The following POF1B variants were observed in gnomAD, a reference collection of about 807,000 sequenced individuals.
The protein encoded by POF1B is POF1B actin binding protein, also known as protein POF1B.
A neutral mutation model predicts 55.3 loss-of-function variants in POF1B; 53 were observed. The ratio of observed to expected loss-of-function variants is 0.96; its 90% confidence interval spans 0.77 to 1.20. The LOEUF (loss-of-function observed/expected upper bound fraction) is 1.20, where lower values mean the gene tolerates loss of function less well. POF1B is among the 50% of genes most tolerant of loss of function. POF1B has a pLI of 0.00. For missense variants in POF1B, 478 were observed against 420.5 expected (o/e 1.14, Z -1.20); for synonymous variants, 188 against 148.3 (o/e 1.27, Z -1.95).
At chrX:85,355,221 T>A (rs1213305258) in intron 4 of POF1B, among the ~76,000 whole-genome samples, 5 of 111,772 alleles carry the variant, frequency 4.5e-5, no homozygotes, top group Non-Finnish European at 9.4e-5. Context: ...GATTCCCTAC[T>A]TAATAAATGG....
At chrX:85,336,403 C>A (rs1933074828) in intron 6 of POF1B, among the ~76,000 whole-genome samples, 1 of 110,782 alleles carries the variant, frequency 9.0e-6, no homozygotes, top group Admixed American at 9.6e-5. Context: ...ATAGTAGTTG[C>A]ACTAATTTAC....
chrX:85,304,267 T>C, intron 14 of POF1B, 76 bp downstream of exon 14: 1 of 935,317 alleles, frequency 1.1e-6, no homozygotes, highest in Non-Finnish European at 1.4e-6. Context: ...TTCTAGTCCA[T>C]GGGAAGTATT....
chrX:85,302,531 T>G (rs1932481711), intron 15 of POF1B, among the ~76,000 whole-genome samples: 1 of 110,823 alleles, frequency 9.0e-6, no homozygotes, highest in Admixed American at 9.6e-5. Flanking sequence ...GTATGGCAAT[T>G]CCTTAAGCAT....
At chrX:85,341,758 A>G (rs1230186333) in intron 6 of POF1B, among the ~76,000 whole-genome samples, 2 of 111,209 alleles carry the variant, frequency 1.8e-5, no homozygotes, top group African/African-American at 6.5e-5. Flanking sequence ...TTGGTGAATG[A>G]CATGTTAAAT....
chrX:85,314,957 A>T (rs1254330200), intron 8 of POF1B, among the ~76,000 whole-genome samples: 1 of 111,679 alleles, frequency 9.0e-6, no homozygotes, highest in Non-Finnish European at 1.9e-5. Context: ...TTTTACTGAG[A>T]ATTTACATAG....
intron 7 of POF1B, among the ~76,000 whole-genome samples, chrX:85,326,557 A>G (rs896003590): frequency 5.4e-4 from 59 of 109,568 alleles, no homozygotes; most frequent in Admixed American, 2.5e-3. Flanking sequence ...GCGGCACAGC[A>G]GGGGATTGGG....
rs1213809271 is a variant in POF1B at position 85,279,135 on chromosome X, A to G, written c.*286T>C. ...TACCTTATCTGAAACATAATGAGTT[A>G]TGTTCTACAGTGTCTGCAATCAAAC... On this transcript the variant is annotated 3_prime_UTR_variant, in exon 17 of 17. Transcript: ENST00000262753. 4.2e-6 allele frequency: 1 copy of G among 237,522 alleles called. No homozygotes were observed. Among genetic ancestry groups the G allele is most frequent in the African/African-American group, 2.8e-5 (1 of 35,237 alleles). The allele number at this position is 237,522 out of a possible 1,213,427, so 19.6% of individuals were successfully genotyped here.
chrX:85,301,222 G>T (rs772026986), intron 15 of POF1B, among the ~76,000 whole-genome samples: 14 of 111,135 alleles, frequency 1.3e-4, no homozygotes, highest in African/African-American at 4.3e-4. Flanking sequence ...AACAGTCAAG[G>T]GCCATAGAAA....
intron 7 of POF1B, among the ~76,000 whole-genome samples, chrX:85,318,850 C>A: frequency 9.0e-6 from 1 of 110,729 alleles, no homozygotes; most frequent in Middle Eastern, 4.6e-3. Flanking sequence ...CTTGCTATTC[C>A]AGTCTTTTAT....
At chrX:85,324,312 G>A (rs539606588) in intron 7 of POF1B, among the ~76,000 whole-genome samples, 2 of 110,831 alleles carry the variant, frequency 1.8e-5, no homozygotes, top group East Asian at 5.7e-4. Flanking sequence ...ACTCTCAGTG[G>A]AGTGTAGCAG....
At chrX:85,374,057 T>A (rs1933880704) in intron 2 of POF1B, among the ~76,000 whole-genome samples, 2 of 111,439 alleles carry the variant, frequency 1.8e-5, no homozygotes, top group African/African-American at 3.3e-5. Context: ...TTGAAGGTTT[T>A]TGCAGCAGAG....
chrX:85,304,998 C>A (rs1450159918), intron 13 of POF1B, among the ~76,000 whole-genome samples: 1 of 110,981 alleles, frequency 9.0e-6, no homozygotes, highest in Admixed American at 9.6e-5. Context: ...GACTACAAAT[C>A]TTGTCCATTT....
chrX:85,310,329 C>T (rs1411513098), intron 9 of POF1B, among the ~76,000 whole-genome samples: 1 of 111,803 alleles, frequency 8.9e-6, no homozygotes, highest in Non-Finnish European at 1.9e-5. Context: ...AACACATTGT[C>T]TCAATGACAA....
In POF1B at chrX:85,278,794, G is replaced by A. The variant is rs1230152065; in HGVS notation, c.*627C>T. 1 of 110,553 alleles carries A rather than the reference G, an allele frequency of 9.0e-6. No individual in the cohort carries two copies. The highest frequency in any genetic ancestry group is 9.7e-5 in the Admixed American group (1 of 10,310). The allele number at this position is 110,553 out of a possible 1,213,427, so 9.1% of individuals were successfully genotyped here. A position where few individuals can be genotyped will look rare whatever the true frequency, so the allele number is the denominator to read the frequency against. On this transcript the variant is annotated 3_prime_UTR_variant, in exon 17 of 17. Transcript: ENST00000262753. The stretch of plus-strand genomic sequence containing the variant: ...GAATAGCATACTGTATAATTTAGTG[G>A]ACTTAGTTATTTCAAAAGATATTAT...
intron 15 of POF1B, among the ~76,000 whole-genome samples, chrX:85,303,166 C>A (rs977519204): frequency 2.7e-5 from 3 of 111,181 alleles, no homozygotes; most frequent in African/African-American, 9.8e-5. Flanking sequence ...GTTAAAAAAA[C>A]AATTATTTGT....
intron 2 of POF1B, among the ~76,000 whole-genome samples, chrX:85,375,214 A>G (rs989057601): frequency 1.2e-4 from 14 of 112,232 alleles, no homozygotes; most frequent in Admixed American, 3.8e-4. Flanking sequence ...TGGTCTGAAG[A>G]AAAAGTTGGC....
intron 5 of POF1B, 61 bp downstream of exon 5, chrX:85,351,289 A>G (rs1933381180): frequency 1.3e-6 from 1 of 794,490 alleles, no homozygotes; most frequent in African/African-American, 2.1e-5. Context: ...CTTGAGCTCT[A>G]TTAAAATACA....
intron 7 of POF1B, among the ~76,000 whole-genome samples, chrX:85,322,825 C>G (rs1480903205): frequency 8.9e-6 from 1 of 111,928 alleles, no homozygotes. Flanking sequence ...ACTTATGCAG[C>G]CACAAAACAC....
At chrX:85,345,422 A>T (rs938215541) in intron 6 of POF1B, among the ~76,000 whole-genome samples, 2 of 111,670 alleles carry the variant, frequency 1.8e-5, no homozygotes, top group African/African-American at 6.5e-5. Context: ...CTCAAAGAAG[A>T]CATACAGAAA....
Sources: allele counts gnomAD v4.1 joint callset (sites outside exome capture counted in the v4.1 genomes callset), GRCh38; gene constraint gnomAD v4.1.1; transcripts MANE v1.5; gene names NCBI Gene and HGNC (gene_info 2026-07-23, HGNC 2026-07-21).